FMN2: variants seen among roughly 807,000 people sequenced by gnomAD.
FMN2 encodes the protein formin-2.
FMN2 carries 51 observed loss-of-function variants against 142.3 expected under a neutral mutation model. That is an observed-to-expected ratio of 0.36 (90% CI 0.29 to 0.45). The LOEUF is 0.45. Among genes scored for constraint, FMN2 ranks in the 20% least tolerant of loss-of-function variants. The pLI is 1.00. For missense variants in FMN2, 1,936 were observed against 2,122.8 expected (o/e 0.91, Z 1.73); for synonymous variants, 882 against 869.8 (o/e 1.01, Z -0.25).
Position 240,324,196 on chromosome 1 carries a change from C to A in FMN2, c.4216-4880C>A, listed in dbSNP as rs983153740. Among the ~76,000 whole-genome samples, 3 of 152,246 alleles carry A rather than the reference C, an allele frequency of 2.0e-5. 1 individual carries two copies. In the Middle Eastern group the frequency reaches 0.01, roughly 518 times the overall value. ...TACATTCCTAACACTTTAGAGATCT[C>A]CCCATCTGGACATTCCAACTGGGTA... On this transcript the variant is annotated intron_variant, in intron 8 of 17. Transcript: ENST00000319653.
chr1:240,145,620 C>A (rs1012422392), intron 2 of FMN2, among the ~76,000 whole-genome samples: 1 of 136,298 alleles, frequency 7.3e-6, no homozygotes, highest in African/African-American at 2.7e-5. Context: ...TATGACACTG[C>A]AGCTTCAGAC....
At chr1:240,121,047 G>A (rs1425031521) in intron 1 of FMN2, among the ~76,000 whole-genome samples, 1 of 152,176 alleles carries the variant, frequency 6.6e-6, no homozygotes, top group Non-Finnish European at 1.5e-5. Context: ...TGTAGTCCCA[G>A]CTACTTGGGA....
At chr1:240,123,519 A>G (rs564195844) in intron 2 of FMN2, among the ~76,000 whole-genome samples, 174 bp downstream of exon 2, 10 of 150,942 alleles carry the variant, frequency 6.6e-5, no homozygotes, top group South Asian at 4.2e-4. Flanking sequence ...AAAAAAAAAA[A>G]AAAGAAAGAA....
At chr1:240,127,177 T>TC (rs1353346858) in intron 2 of FMN2, among the ~76,000 whole-genome samples, 1 of 150,462 alleles carries the variant, frequency 6.6e-6, no homozygotes, top group African/African-American at 2.4e-5. Flanking sequence ...TGGAGCAAGA[T>TC]CAGAGGCATG....
At position 240,438,043 on chromosome 1, in the gene FMN2, G is replaced by T; in HGVS notation, c.4911-18G>T. ...GTAATCATGGCTTTTATGCTTTTGT[G>T]TGTGTATGATTTGACAGCTTTTTGG... On this transcript the variant is annotated intron_variant, in intron 15 of 17. Transcript: ENST00000319653. 2 of 1,607,728 alleles carry T rather than the reference G, an allele frequency of 1.2e-6. No individual in the cohort carries two copies. The highest frequency in any genetic ancestry group is 1.7e-6 in the Non-Finnish European group (2 of 1,178,146).
intron 15 of FMN2, among the ~76,000 whole-genome samples, chr1:240,428,122 A>G (rs1012663513): frequency 2.0e-5 from 3 of 152,174 alleles, no homozygotes; most frequent in Non-Finnish European, 2.9e-5. Flanking sequence ...CCAAAAATGA[A>G]GAAATCTTCT....
chr1:240,274,201 A>T (rs183161300), intron 7 of FMN2, among the ~76,000 whole-genome samples: 1 of 151,370 alleles, frequency 6.6e-6, no homozygotes, highest in East Asian at 2.0e-4. Context: ...AACAATTTTA[A>T]TATGTACCAT....
intron 4 of FMN2, among the ~76,000 whole-genome samples, chr1:240,204,791 A>G (rs1487052369): frequency 1.3e-5 from 2 of 152,046 alleles, no homozygotes; most frequent in Admixed American, 6.5e-5. Context: ...AGATGGGGGG[A>G]AAAAGGTGCC....
intron 16 of FMN2, among the ~76,000 whole-genome samples, chr1:240,453,503 TG>T (rs1183982267): frequency 6.7e-6 from 1 of 150,330 alleles, no homozygotes; most frequent in Non-Finnish European, 1.5e-5. Flanking sequence ...TCACAGGTGC[TG>T]ACTATTAAAA....
At chr1:240,233,575 T>A (rs1371529913) in intron 6 of FMN2, among the ~76,000 whole-genome samples, 1 of 152,132 alleles carries the variant, frequency 6.6e-6, no homozygotes, top group East Asian at 1.9e-4. Flanking sequence ...AGAGAAAAAT[T>A]CACATTTGAA....
chr1:240,131,438 G>A (rs77574373), intron 2 of FMN2, among the ~76,000 whole-genome samples: 11,553 of 152,180 alleles, frequency 0.076, 606 homozygotes, highest in African/African-American at 0.14. Context: ...CGGGTGCGGT[G>A]GCTCACACGC....
At chr1:240,200,008 G>T (rs906360984) in intron 4 of FMN2, among the ~76,000 whole-genome samples, 1 of 152,184 alleles carries the variant, frequency 6.6e-6, no homozygotes, top group Non-Finnish European at 1.5e-5. Context: ...GAAGGCTAAA[G>T]ATAATGAAAA....
At chr1:240,379,122 C>T (rs1377324373) in intron 14 of FMN2, among the ~76,000 whole-genome samples, 1 of 152,138 alleles carries the variant, frequency 6.6e-6, no homozygotes, top group African/African-American at 2.4e-5. Context: ...CTCAGTTGAT[C>T]CCTTTAAGGC....
Position 240,432,127 on chromosome 1 carries a change from T to G in FMN2, c.4911-5934T>G, listed in dbSNP as rs1675199541. Among the ~76,000 whole-genome samples the G allele has an allele frequency of 2.6e-5, 4 of 151,928 alleles. No individual in the cohort carries two copies. The South Asian group carries it at 8.3e-4, about 31-fold the overall frequency. ...AATTATTTGGAGTGTGGAGATAAATTTGATTACCAGTTTATAAAAAATAAT... is the reference window on the plus strand; with the variant it reads ...AATTATTTGGAGTGTGGAGATAAATGTGATTACCAGTTTATAAAAAATAAT... On this transcript the variant is annotated intron_variant, in intron 15 of 17. Coordinates refer to ENST00000319653, the MANE Select transcript of FMN2 (RefSeq NM_020066.5).
chr1:240,148,478 GAA>G (rs1317077185), intron 2 of FMN2, among the ~76,000 whole-genome samples: 1 of 138,360 alleles, frequency 7.2e-6, no homozygotes. Context: ...GGGAGAGAAA[GAA>G]AAAGAGAGAG....
At position 240,177,851 on chromosome 1, in the gene FMN2, G is replaced by A. The variant is rs556290912; in HGVS notation, c.1783-70G>A. The stretch of plus-strand genomic sequence containing the variant: ...ATTTACATAGAAATGATTTTGCAAT[G>A]TATTAGTCATGGCTTATTTTTTTGT... On this transcript the variant is annotated intron_variant, in intron 2 of 17. Coordinates refer to ENST00000319653, the MANE Select transcript of FMN2 (RefSeq NM_020066.5). The A allele has an allele frequency of 6.4e-5, 87 of 1,349,752 alleles. No homozygotes were observed. In the African/African-American group the frequency reaches 9.7e-4, roughly 15 times the overall value. The allele number at this position is 1,349,752 out of a possible 1,614,324, so 83.6% of individuals were successfully genotyped here.
At chr1:240,233,012 T>C (rs1447020015) in intron 6 of FMN2, among the ~76,000 whole-genome samples, 2 of 152,224 alleles carry the variant, frequency 1.3e-5, no homozygotes, top group Non-Finnish European at 2.9e-5. Context: ...TAGTGGTTTA[T>C]TGTTGCCCAC....
Position 240,123,421 on chromosome 1 carries a change from G to C in FMN2, c.1782+76G>C, listed in dbSNP as rs1662366220. The C allele has an allele frequency of 5.0e-6, 7 of 1,410,462 alleles. No individual in the cohort carries two copies. The Admixed American group carries it at 1.4e-4, about 27-fold the overall frequency. 87.4% of individuals were successfully genotyped at this position (1,410,462 alleles called of 1,614,324 possible). On this transcript the variant is annotated intron_variant, in intron 2 of 17. Coordinates refer to ENST00000319653, the MANE Select transcript of FMN2 (RefSeq NM_020066.5). ...AGCAGCTACGATGTGTATCTGCCCAGTCACCCTATAATTTAAAAACAACAT... is the reference window on the plus strand; with the variant it reads ...AGCAGCTACGATGTGTATCTGCCCACTCACCCTATAATTTAAAAACAACAT...
At chr1:240,123,147 G>A (rs1271535969) in intron 1 of FMN2, 32 bp from the exon 2 acceptor site, 1 of 1,612,322 alleles carries the variant, frequency 6.2e-7, no homozygotes. Flanking sequence ...GATCGGCAGT[G>A]CTCGCTCTTA....
Sources: gnomAD v4.1 joint callset for allele counts (sites outside exome capture counted in the v4.1 genomes callset) on GRCh38, gnomAD v4.1.1 for gene constraint, MANE v1.5 for transcripts, NCBI Gene and HGNC (gene_info 2026-07-23, HGNC 2026-07-21) for gene names.